MGRN1: variants seen among roughly 807,000 people sequenced by gnomAD.
MGRN1 encodes E3 ubiquitin-protein ligase MGRN1.
In MGRN1, 29 loss-of-function variants were observed where a neutral mutation model predicts 69.2. The observed-to-expected ratio is 0.42, with a 90% CI of 0.31 to 0.57. MGRN1 has a LOEUF of 0.57. Among genes scored for constraint, MGRN1 ranks in the 20% least tolerant of loss-of-function variants. The pLI, the probability that MGRN1 is intolerant of heterozygous loss-of-function variation, is 0.15. For synonymous variants in MGRN1, 470 were observed against 344.2 expected, an observed-to-expected ratio of 1.37 and a Z score of -4.04; for missense variants, 998 against 796.2, an observed-to-expected ratio of 1.25 and a Z score of -3.05.
chr16:4,680,428 A>G (rs1310705817), intron 12 of MGRN1: 1 of 300,428 alleles, frequency 3.3e-6, no homozygotes, highest in African/African-American at 2.2e-5. Context: ...TGCGTTTTGC[A>G]ATCGCGCCCC....
rs1214900987 is a variant in MGRN1, at chr16:4,688,778, C to T, written c.1619-18C>T. 7 of 1,532,926 alleles carry T rather than the reference C, an allele frequency of 4.6e-6. No individual in the cohort carries two copies. The highest frequency in any genetic ancestry group is 2.5e-5 in the East Asian group (1 of 40,444). The allele number at this position is 1,532,926 out of a possible 1,614,324, so 95.0% of individuals were successfully genotyped here. A position where few individuals can be genotyped will look rare whatever the true frequency, so the allele number is the denominator to read the frequency against. ...AGGCATCCGAGTGTGACCCTCCTCC[C>T]TCTGCTCCCACCTGCAGGACGGCCC... On this transcript the variant is annotated intron_variant, in intron 16 of 16. Coordinates refer to ENST00000262370, the MANE Select transcript of MGRN1 (RefSeq NM_015246.4).
chr16:4,626,086 A>G (rs773106915), intron 1 of MGRN1, among the ~76,000 whole-genome samples: 1 of 152,178 alleles, frequency 6.6e-6, no homozygotes, highest in Non-Finnish European at 1.5e-5. Context: ...CCCATTCCCC[A>G]TGTGAGTTTT....
At position 4,624,958 on chromosome 16, in the gene MGRN1, AC is replaced by A; in HGVS notation, c.-1del. On this transcript the variant is annotated 5_prime_UTR_variant, in exon 1 of 17. Transcript: ENST00000262370. ...GCCCCTCTGCCCGGCAGCGCCGCGC[AC>A]CATGGGCTCCATTCTCAGCCGCCGC... 6.5e-7 allele frequency: 1 copy of A among 1,545,396 alleles called. No individual in the cohort carries two copies. Among genetic ancestry groups the A allele is most frequent in the South Asian group, 1.2e-5 (1 of 83,848 alleles).
At chr16:4,641,835 G>T (rs372341921) in intron 1 of MGRN1, among the ~76,000 whole-genome samples, 1 of 152,026 alleles carries the variant, frequency 6.6e-6, no homozygotes, top group African/African-American at 2.4e-5. Context: ...TGTATTTTTT[G>T]TAGAGACAGG....
chr16:4,624,838 C>T lies in MGRN1; in HGVS notation c.-123C>T, dbSNP rs1368215875. ...CCGAGCCGGGGGTGGGGGCTCGAGG[C>T]GCCTCCGCGGCCGTGGACGAGCGTC... On this transcript the variant is annotated 5_prime_UTR_variant, in exon 1 of 17. Coordinates refer to ENST00000262370, the MANE Select transcript of MGRN1 (RefSeq NM_015246.4). 3 of 737,006 alleles carry T rather than the reference C, an allele frequency of 4.1e-6. No homozygotes were observed. The highest frequency in any genetic ancestry group is 7.6e-5 in the East Asian group (2 of 26,236). The allele number at this position is 737,006 out of a possible 1,614,324, so 45.7% of individuals were successfully genotyped here.
At chr16:4,671,796 C>T (rs1356678075) in intron 9 of MGRN1, among the ~76,000 whole-genome samples, 4 of 152,212 alleles carry the variant, frequency 2.6e-5, no homozygotes, top group African/African-American at 9.6e-5. Context: ...GTCCCTGCAG[C>T]TCCTGGGGGA....
intron 1 of MGRN1, among the ~76,000 whole-genome samples, chr16:4,629,150 A>ATATGTGTG (rs1555445266): frequency 7.8e-6 from 1 of 127,602 alleles, no homozygotes; most frequent in African/African-American, 3.1e-5. Context: ...TTCTGTTCGT[A>ATATGTGTG]TGTGTGTGTG....
intron 10 of MGRN1, among the ~76,000 whole-genome samples, chr16:4,674,513 T>G (rs1372984245): frequency 1.3e-5 from 2 of 151,142 alleles, no homozygotes; most frequent in Non-Finnish European, 2.9e-5. Flanking sequence ...GGTCTGGAAC[T>G]CCTGACCTCG....
chr16:4,658,522 T>C (rs1684619), intron 5 of MGRN1, among the ~76,000 whole-genome samples: 66,449 of 148,042 alleles, frequency 0.45, 15,178 homozygotes, highest in East Asian at 0.64. Flanking sequence ...GGCGACAGAG[T>C]GAGATTCCGT....
At chr16:4,641,701 A>T (rs866707175) in intron 1 of MGRN1, among the ~76,000 whole-genome samples, 26 of 151,992 alleles carry the variant, frequency 1.7e-4, no homozygotes, top group Non-Finnish European at 2.6e-4. Context: ...CATTTTTAGT[A>T]GAGACGGGAG....
intron 16 of MGRN1, chr16:4,687,005 A>C (rs2079337539): frequency 1.0e-6 from 1 of 985,244 alleles, no homozygotes; most frequent in East Asian, 1.1e-4. Flanking sequence ...TCACACAGCC[A>C]CCTGCTCCCC....
chr16:4,688,805 C>T lies in MGRN1; in HGVS notation c.1628C>T (p.Thr543Ile), dbSNP rs1596325053. 1.3e-6 allele frequency: 2 copies of T among 1,550,324 alleles called. No homozygotes were observed. The highest frequency in any genetic ancestry group is 1.7e-6 in the Non-Finnish European group (2 of 1,146,272). Residue 543 changes from threonine to isoleucine, a missense_variant, in exon 17 of 17, where the codon ACC becomes ATC. Transcript: ENST00000262370. ...PADIYLPGRP[T>I]SMETAHGLAT... ...CTGCTCCCACCTGCAGGACGGCCCA[C>T]CTCCATGGAGACGGCCCACGGCCTC...
At chr16:4,658,195 C>T (rs964121045) in intron 5 of MGRN1, among the ~76,000 whole-genome samples, 1 of 152,032 alleles carries the variant, frequency 6.6e-6, no homozygotes, top group Non-Finnish European at 1.5e-5. Context: ...TCCATCTGGT[C>T]TGCAGCTTGC....
intron 1 of MGRN1, among the ~76,000 whole-genome samples, chr16:4,638,548 A>G (rs1306917454): frequency 6.6e-6 from 1 of 152,052 alleles, no homozygotes; most frequent in East Asian, 1.9e-4. Context: ...GAAGCATGGT[A>G]GGCCCAGGGG....
At chr16:4,677,224 C>T (rs868290768) in intron 10 of MGRN1, 2 of 399,574 alleles carry the variant, frequency 5.0e-6, no homozygotes, top group Middle Eastern at 6.5e-4. Context: ...CTTTGGAGCG[C>T]CCCCTCCCTC....
At chr16:4,663,587 C>T (rs549581231) in intron 5 of MGRN1, among the ~76,000 whole-genome samples, 122 of 152,234 alleles carry the variant, frequency 8.0e-4, no homozygotes, top group Non-Finnish European at 1.6e-3. Context: ...TGCCAGACAC[C>T]GAGGATGTCA....
chr16:4,636,267 C>G (rs552755057), intron 1 of MGRN1, among the ~76,000 whole-genome samples: 12 of 152,110 alleles, frequency 7.9e-5, no homozygotes, highest in East Asian at 1.9e-4. Context: ...GAACCACCCC[C>G]CTGACTTCCT....
chr16:4,656,036 C>A (rs903990854), intron 4 of MGRN1, among the ~76,000 whole-genome samples: 2 of 152,222 alleles, frequency 1.3e-5, no homozygotes, highest in Non-Finnish European at 1.5e-5. Context: ...GGCCCCCCCA[C>A]GCCCCATCCC....
At chr16:4,687,686 AG>A (rs2079363316) in intron 16 of MGRN1, 3 of 985,344 alleles carry the variant, frequency 3.0e-6, no homozygotes, top group African/African-American at 1.7e-5. Flanking sequence ...GCCTTCCCAG[AG>A]GGTCTTGGCA....
Sources: allele counts gnomAD v4.1 joint callset (sites outside exome capture counted in the v4.1 genomes callset), GRCh38; gene constraint gnomAD v4.1.1; transcripts MANE v1.5; gene names NCBI Gene and HGNC (gene_info 2026-07-23, HGNC 2026-07-21).